Variants in TRIM63 observed in about 807,000 individuals in gnomAD.
TRIM63 encodes the protein tripartite motif containing 63, also known as E3 ubiquitin-protein ligase TRIM63.
Under a neutral mutation model 46.0 loss-of-function variants are expected in TRIM63, and 48 were observed. The observed-to-expected ratio is 1.04, with a 90% CI of 0.83 to 1.33. The LOEUF (loss-of-function observed/expected upper bound fraction) is 1.33, where lower values mean the gene tolerates loss of function less well. Among genes scored for constraint, TRIM63 ranks in the 40% most tolerant of loss-of-function variants. The probability of loss-of-function intolerance (pLI) is 0.00; values close to 1 mark genes in which losing one functional copy is unlikely to be tolerated. For synonymous variants in TRIM63, 175 were observed against 162.8 expected (o/e 1.08, Z -0.57); for missense variants, 455 against 441.2 (o/e 1.03, Z -0.28).
At chr1:26,062,914 C>T (rs139081602) in intron 2 of TRIM63, among the ~76,000 whole-genome samples, 4,341 of 152,170 alleles carry the variant, frequency 0.029, 211 homozygotes, top group African/African-American at 0.098. Flanking sequence ...CACCACCATG[C>T]CCAGCTAATT....
chr1:26,061,431 G>T, intron 2 of TRIM63, 97 bp from the exon 3 acceptor site: 1 of 1,352,342 alleles, frequency 7.4e-7, no homozygotes, highest in South Asian at 1.3e-5. Context: ...GGGAGGCTGA[G>T]GCAGGAGGAT....
chr1:26,064,784 T>C (rs2050661482), intron 2 of TRIM63, among the ~76,000 whole-genome samples: 1 of 152,212 alleles, frequency 6.6e-6, no homozygotes, highest in South Asian at 2.1e-4. Flanking sequence ...TACAGTACAT[T>C]AGTCACAGAG....
Position 26,051,713 on chromosome 1 carries a change from C to T in TRIM63, c.*160G>A, listed in dbSNP as rs957984452. On this transcript the variant is annotated 3_prime_UTR_variant, in exon 9 of 9. Transcript: ENST00000374272. ...CTGGACGCAGCGGTGAGGGTCCTAC[C>T]CTAGTCCCTGCTCTCTGAGCAGAGA... 2.1e-6 allele frequency: 1 copy of T among 469,804 alleles called. No homozygotes were observed. The highest frequency in any genetic ancestry group is 3.6e-6 in the Non-Finnish European group (1 of 278,470). 29.1% of individuals were successfully genotyped at this position (469,804 alleles called of 1,614,324 possible).
chr1:26,061,716 G>A lies in TRIM63; in HGVS notation c.333-382C>T, dbSNP rs532929201. Among the ~76,000 whole-genome samples, 58 of 152,292 alleles carry A rather than the reference G, an allele frequency of 3.8e-4. 1 individual carries two copies. The South Asian group carries it at 0.01, about 27-fold the overall frequency. The stretch of plus-strand genomic sequence containing the variant: ...GGGCTCCAGAAAAGTGAATTGACTC[G>A]TCCAAGGTCATACAGCAAGTAAGGG... On this transcript the variant is annotated intron_variant, in intron 2 of 8. Transcript: ENST00000374272.
At position 26,061,242 on chromosome 1, in the gene TRIM63, C is replaced by T. The variant is rs147379770; in HGVS notation, c.425G>A (p.Cys142Tyr). 33 of 1,614,186 alleles carry T rather than the reference C, an allele frequency of 2.0e-5. No individual in the cohort carries two copies. The African/African-American group carries it at 3.9e-4, about 19-fold the overall frequency. Residue 142 changes from cysteine (C) to tyrosine (Y), a missense_variant, in exon 3 of 9, where the codon TGC becomes TAC. By Grantham distance (194) the Cys-to-Tyr change is radical. Transcript: ENST00000374272. ...IYCLTCEVPT[C>Y]SMCKVFGIHK... ...GATCCCAAACACCTTGCACATGGAG[C>T]AGGTGGGCACCTCACACGTGAGACA...
intron 2 of TRIM63, among the ~76,000 whole-genome samples, chr1:26,063,780 G>A (rs898356642): frequency 5.3e-5 from 8 of 152,194 alleles, no homozygotes; most frequent in Non-Finnish European, 1.0e-4. Context: ...TAGAGTGCCC[G>A]GCACAGAGCA....
At chr1:26,063,594 G>C (rs2050647187) in intron 2 of TRIM63, among the ~76,000 whole-genome samples, 1 of 152,188 alleles carries the variant, frequency 6.6e-6, no homozygotes, top group Non-Finnish European at 1.5e-5. Flanking sequence ...TCATGCGCCC[G>C]CAGCCCTCCC....
intron 2 of TRIM63, 88 bp downstream of exon 2, chr1:26,066,180 C>A (rs917870167): frequency 2.1e-6 from 3 of 1,449,170 alleles, no homozygotes; most frequent in Non-Finnish European, 2.9e-6. Flanking sequence ...GGATCCTGAG[C>A]AGATGAAGGA....
intron 4 of TRIM63, among the ~76,000 whole-genome samples, chr1:26,059,628 G>A (rs900063459): frequency 5.9e-5 from 9 of 151,930 alleles, no homozygotes; most frequent in African/African-American, 1.7e-4. Context: ...CCTACCCTTC[G>A]CCCAACTCTT....
chr1:26,067,207 C>T (rs2050686275), intron 1 of TRIM63, 129 bp downstream of exon 1: 1 of 1,170,148 alleles, frequency 8.5e-7, no homozygotes, highest in East Asian at 2.6e-5. Flanking sequence ...TGTCCAGAGG[C>T]CTCTGCAGGG....
intron 5 of TRIM63, 118 bp downstream of exon 5, chr1:26,058,262 AACTGAGGCTC>A (rs1436009067): frequency 2.3e-5 from 17 of 751,284 alleles, no homozygotes; most frequent in Non-Finnish European, 3.8e-5. Flanking sequence ...CAGATGAGGA[AACTGAGGCTC>A]ACAGAGGTTT....
In TRIM63 at chr1:26,062,603, T is replaced by C. The variant is rs112498772; in HGVS notation, c.333-1269A>G. ...AACAGCCCAGCACAAGCCTGACTTC[T>C]AGTCCAGAGATTCTTTCAAAGGCCC... On this transcript the variant is annotated intron_variant, in intron 2 of 8. Transcript: ENST00000374272. Among the ~76,000 whole-genome samples the C allele has an allele frequency of 6.7e-3, 1,017 of 152,338 alleles. 6 individuals are homozygous for C. The highest frequency in any genetic ancestry group is 0.012 in the Non-Finnish European group (832 of 68,020).
At chr1:26,064,993 C>T (rs1395416031) in intron 2 of TRIM63, among the ~76,000 whole-genome samples, 2 of 151,994 alleles carry the variant, frequency 1.3e-5, no homozygotes, top group South Asian at 2.1e-4. Flanking sequence ...CTGTGTCTCT[C>T]CCAAATTTTT....
At chr1:26,058,342 G>A in intron 5 of TRIM63, 48 bp downstream of exon 5, 1 of 1,525,088 alleles carries the variant, frequency 6.6e-7, no homozygotes, top group Non-Finnish European at 9.1e-7. Context: ...GAACCTTAGA[G>A]CTGTAGAGTT....
chr1:26,053,948 T>TTCTTCC lies in TRIM63; in HGVS notation c.990_995dup (p.Glu331_Glu332dup). The TTCTTCC allele has an allele frequency of 6.3e-7, 1 of 1,590,226 alleles. No homozygotes were observed. Among genetic ancestry groups the TTCTTCC allele is most frequent in the Non-Finnish European group, 8.5e-7 (1 of 1,172,824 alleles). On this transcript the variant is annotated inframe_insertion, in exon 8 of 9. Transcript: ENST00000374272. ...CTTCCTGATCTTCTTCTTCAATGAA[T>TTCTTCC]TCTTCCTCTTCCTCATCTGTGACAA...
chr1:26,066,921 A>G (rs1012466410), intron 1 of TRIM63, among the ~76,000 whole-genome samples: 2 of 151,668 alleles, frequency 1.3e-5, no homozygotes, highest in African/African-American at 4.9e-5. Context: ...CTCAAAAGGG[A>G]AGATGCCTCT....
Position 26,053,892 on chromosome 1 carries a change from C to T in TRIM63, c.1051+1G>A, listed in dbSNP as rs947002968. 13 of 1,591,900 alleles carry T rather than the reference C, an allele frequency of 8.2e-6. No homozygotes were observed. Among genetic ancestry groups the T allele is most frequent in the African/African-American group, 1.4e-5 (1 of 73,588 alleles). ...GGAATGGAGGTAGATGAATTTCTTA[C>T]CTTCTTCCTTCCCTTCTGTGGACTC... On this transcript the variant is annotated splice_donor_variant, in intron 8 of 8. Transcript: ENST00000374272. LOFTEE classifies it high-confidence loss of function.
rs1220173287 is a variant in TRIM63, at chr1:26,061,320, T to C, written c.347A>G (p.Lys116Arg). Residue 116 changes from lysine to arginine, a missense_variant, in exon 3 of 9, where the codon AAG (lysine) becomes AGG (arginine). Lys to Arg is a conservative substitution (Grantham distance 26). Coordinates refer to ENST00000374272, the MANE Select transcript of TRIM63 (RefSeq NM_032588.4). ...KQECSSRPLQ[K>R]GSHPMCKEHE... is the part of the protein sequence containing the mutation. The stretch of plus-strand genomic sequence containing the variant: ...CTCCTTGCACATGGGGTGACTGCCC[T>C]TCTGCAGCGGCCGACTGCAGTGGAG... The C allele has an allele frequency of 6.2e-7, 1 of 1,614,078 alleles. No individual in the cohort carries two copies. The highest frequency in any genetic ancestry group is 8.5e-7 in the Non-Finnish European group (1 of 1,179,968).
chr1:26,063,960 G>A (rs1035790977), intron 2 of TRIM63, among the ~76,000 whole-genome samples: 1 of 152,196 alleles, frequency 6.6e-6, no homozygotes, highest in Non-Finnish European at 1.5e-5. Context: ...GTAGTGTTGT[G>A]CTCTAGCAAC....
Sources: gnomAD v4.1 joint callset for allele counts (sites outside exome capture counted in the v4.1 genomes callset) on GRCh38, gnomAD v4.1.1 for gene constraint, MANE v1.5 for transcripts, NCBI Gene and HGNC (gene_info 2026-07-23, HGNC 2026-07-21) for gene names.